ZNF385D: variants seen among roughly 807,000 people sequenced by gnomAD.
ZNF385D encodes the protein zinc finger protein 385D, also known as zinc finger protein 659.
A neutral mutation model predicts 35.8 loss-of-function variants in ZNF385D; 15 were observed. The observed-to-expected ratio is 0.42, with a 90% CI of 0.28 to 0.64. The LOEUF is 0.64. Ranked by LOEUF, ZNF385D falls within the 30% of genes least tolerant of loss-of-function variation. The probability of loss-of-function intolerance (pLI) is 0.23; values close to 1 mark genes in which losing one functional copy is unlikely to be tolerated. For missense variants in ZNF385D, 474 were observed against 494.6 expected (o/e 0.96, Z 0.39); for synonymous variants, 212 against 186.8 (o/e 1.13, Z -1.10).
At chr3:21,493,038 G>A (rs1260415705) in intron 4 of ZNF385D, among the ~76,000 whole-genome samples, 1 of 151,896 alleles carries the variant, frequency 6.6e-6, no homozygotes, top group Non-Finnish European at 1.5e-5. Flanking sequence ...TAGAATCTTG[G>A]ACTACACTAA....
chr3:21,417,129 T>C lies in ZNF385D; in HGVS notation c.*4085A>G, dbSNP rs1005771807. Reference sequence around the variant, plus strand: ...GGCTTACACTCAGGATGGAAAGGAATACAGAATATTTTTCTGGACATATGC... The same window carrying C: ...GGCTTACACTCAGGATGGAAAGGAACACAGAATATTTTTCTGGACATATGC... On this transcript the variant is annotated 3_prime_UTR_variant, in exon 8 of 8. Coordinates refer to ENST00000281523, the MANE Select transcript of ZNF385D (RefSeq NM_024697.3). The C allele has an allele frequency of 6.6e-6, 1 of 152,112 alleles. No individual in the cohort carries two copies. Among genetic ancestry groups the C allele is most frequent in the Admixed American group, 6.6e-5 (1 of 15,262 alleles). The allele number at this position is 152,112 out of a possible 1,614,324, so 9.4% of individuals were successfully genotyped here. A position where few individuals can be genotyped will look rare whatever the true frequency, so the allele number is the denominator to read the frequency against.
intron 1 of ZNF385D, among the ~76,000 whole-genome samples, chr3:21,747,359 C>A (rs1221670853): frequency 6.6e-6 from 1 of 152,128 alleles, no homozygotes; most frequent in Non-Finnish European, 1.5e-5. Context: ...TGGGGGCAAG[C>A]CCCAGATCCT....
chr3:21,824,797 T>C (rs530517338), intron 3 of ZNF385D, among the ~76,000 whole-genome samples: 1 of 152,182 alleles, frequency 6.6e-6, no homozygotes, highest in Non-Finnish European at 1.5e-5. Flanking sequence ...TTTTAGAGCA[T>C]TTAAGGTAAA....
chr3:21,825,528 C>G (rs1163153193), intron 3 of ZNF385D, among the ~76,000 whole-genome samples: 2 of 151,118 alleles, frequency 1.3e-5, no homozygotes, highest in Admixed American at 1.3e-4. Context: ...CTTTCAGTGG[C>G]TTACAAGCCT....
chr3:21,959,380 C>T (rs1702459712), intron 3 of ZNF385D, among the ~76,000 whole-genome samples: 1 of 151,858 alleles, frequency 6.6e-6, no homozygotes, highest in Admixed American at 6.6e-5. Flanking sequence ...TTTGTCCAGC[C>T]AAAACGGTAA....
intron 3 of ZNF385D, among the ~76,000 whole-genome samples, chr3:22,098,270 C>G (rs1421391520): frequency 6.6e-6 from 1 of 152,012 alleles, no homozygotes; most frequent in African/African-American, 2.4e-5. Context: ...GAGGAAGTGA[C>G]CATTCAAGTT....
intron 1 of ZNF385D, among the ~76,000 whole-genome samples, chr3:21,727,345 C>T (rs1435241803): frequency 6.6e-6 from 1 of 152,106 alleles, no homozygotes; most frequent in Non-Finnish European, 1.5e-5. Flanking sequence ...AACTAAAGAC[C>T]TTCTGCACAG....
At chr3:21,893,769 A>T (rs1698999373) in intron 3 of ZNF385D, among the ~76,000 whole-genome samples, 1 of 152,224 alleles carries the variant, frequency 6.6e-6, no homozygotes, top group Admixed American at 6.5e-5. Context: ...GAATTAAAAA[A>T]GAGATATTCC....
At chr3:21,422,122 T>A (rs1290329515) in intron 7 of ZNF385D, among the ~76,000 whole-genome samples, 1 of 152,166 alleles carries the variant, frequency 6.6e-6, no homozygotes, top group Non-Finnish European at 1.5e-5. Context: ...AATGTTCCCA[T>A]TTGTGGAGTC....
At chr3:21,896,452 T>C (rs1183413610) in intron 3 of ZNF385D, among the ~76,000 whole-genome samples, 2 of 152,188 alleles carry the variant, frequency 1.3e-5, no homozygotes, top group African/African-American at 4.8e-5. Context: ...TGATTTGGGT[T>C]CTACAATCAG....
chr3:21,762,625 A>G (rs1359085542), intron 3 of ZNF385D, among the ~76,000 whole-genome samples: 2 of 152,162 alleles, frequency 1.3e-5, no homozygotes, highest in Non-Finnish European at 2.9e-5. Flanking sequence ...TCATCTCATA[A>G]TGTCGGCCTA....
intron 3 of ZNF385D, among the ~76,000 whole-genome samples, chr3:21,928,451 G>A (rs995715015): frequency 5.9e-5 from 9 of 151,472 alleles, no homozygotes; most frequent in South Asian, 2.1e-4. Flanking sequence ...GGGAGAGAGC[G>A]AAGGAATCAC....
At chr3:21,734,026 C>G (rs2069132573) in intron 1 of ZNF385D, among the ~76,000 whole-genome samples, 1 of 152,062 alleles carries the variant, frequency 6.6e-6, no homozygotes, top group African/African-American at 2.4e-5. Context: ...TCAGAACACT[C>G]TTTTTTCATA....
intron 2 of ZNF385D, among the ~76,000 whole-genome samples, chr3:22,310,556 A>C (rs1283952221): frequency 6.6e-6 from 1 of 151,950 alleles, no homozygotes; most frequent in Admixed American, 6.6e-5. Context: ...TGCTCAAGGT[A>C]AATTCCTAGA....
rs933386173 is a variant in ZNF385D at position 22,319,907 on chromosome 3, C to G, written c.106+52543G>C. 2.0e-5 allele frequency among the ~76,000 whole-genome samples: 3 copies of G among 152,014 alleles called. No homozygotes were observed. In the East Asian group the frequency reaches 5.8e-4, roughly 29 times the overall value. ...CATTTTCCTTTAAGTGTACCTGTTG[C>G]TATGTCCCATAGGTTTTTATCATAA... On this transcript the variant is annotated intron_variant, in intron 2 of 5. Coordinates refer to the ZNF385D transcript ENST00000494108.
At chr3:21,712,615 T>C (rs2068156780) in intron 1 of ZNF385D, among the ~76,000 whole-genome samples, 1 of 152,216 alleles carries the variant, frequency 6.6e-6, no homozygotes, top group African/African-American at 2.4e-5. Flanking sequence ...TCACTGTCTA[T>C]ATATATTGAT....
chr3:22,335,682 T>A lies in ZNF385D; in HGVS notation c.106+36768A>T, dbSNP rs1695130834. On this transcript the variant is annotated intron_variant, in intron 2 of 5. Coordinates refer to the ZNF385D transcript ENST00000494108. The stretch of plus-strand genomic sequence containing the variant: ...TCTTTGCCTGAAGAGCATTGACATA[T>A]ATGTTTATGTGTGTCGAAGTAAAAC... Among the ~76,000 whole-genome samples the A allele has an allele frequency of 3.3e-5, 5 of 152,268 alleles. No homozygotes were observed. The South Asian group carries it at 1.0e-3, about 32-fold the overall frequency.
Position 21,825,616 on chromosome 3 carries a change from T to C in ZNF385D, c.326-160588A>G, listed in dbSNP as rs147261536. Among the ~76,000 whole-genome samples the C allele has an allele frequency of 2.3e-3, 346 of 152,304 alleles. 3 individuals carry two copies. Among genetic ancestry groups the C allele is most frequent in the Non-Finnish European group, 3.8e-3 (257 of 68,016 alleles). On this transcript the variant is annotated intron_variant, in intron 3 of 5. Coordinates refer to the ZNF385D transcript ENST00000494108. ...ATTGTCTTTCCTCATGGTCACAAAG[T>C]GACTTCAATAAACAAGTTTTCACAC...
intron 3 of ZNF385D, among the ~76,000 whole-genome samples, chr3:22,124,514 A>G (rs1293338177): frequency 2.6e-5 from 4 of 152,038 alleles, no homozygotes; most frequent in African/African-American, 9.7e-5. Context: ...ACTTTTCTCC[A>G]TAGTGGCTGT....
Sources: allele counts gnomAD v4.1 joint callset (sites outside exome capture counted in the v4.1 genomes callset), GRCh38; gene constraint gnomAD v4.1.1; transcripts MANE v1.5; gene names NCBI Gene and HGNC (gene_info 2026-07-23, HGNC 2026-07-21).